The following GSG1L variants were observed in gnomAD, a reference collection of about 807,000 sequenced individuals.
GSG1L encodes the protein germ cell-specific gene 1-like protein.
In GSG1L, 24 loss-of-function variants were observed where a neutral mutation model predicts 42.1. The ratio of observed to expected loss-of-function variants is 0.57; its 90% CI spans 0.41 to 0.80. The LOEUF is 0.80. GSG1L is among the 30% of genes least tolerant of loss of function. The probability of loss-of-function intolerance (pLI) is 0.00; values close to 1 mark genes in which losing one functional copy is unlikely to be tolerated. For missense variants in GSG1L, 445 were observed against 472.2 expected, an observed-to-expected ratio of 0.94 and a Z score of 0.53; for synonymous variants, 215 against 203.5, an observed-to-expected ratio of 1.06 and a Z score of -0.48.
intron 1 of GSG1L, among the ~76,000 whole-genome samples, chr16:27,989,524 G>T (rs1316222017): frequency 6.6e-6 from 1 of 152,160 alleles, no homozygotes; most frequent in Non-Finnish European, 1.5e-5. Flanking sequence ...TGGATCACCT[G>T]AGGTCAGGAG....
chr16:27,791,193 T>C lies in GSG1L; in HGVS notation c.*177A>G, dbSNP rs563342199. ...TTCCCTTGGGCCTGCCCTGGCCCCATTTCCAAGGCCATGGGACCCAGGCAG... is the reference window on the plus strand; with the variant it reads ...TTCCCTTGGGCCTGCCCTGGCCCCACTTCCAAGGCCATGGGACCCAGGCAG... On this transcript the variant is annotated 3_prime_UTR_variant, in exon 7 of 7. Coordinates refer to ENST00000447459, the MANE Select transcript of GSG1L (RefSeq NM_001109763.2). The C allele has an allele frequency of 1.1e-4, 46 of 412,092 alleles. 1 individual carries two copies. Among genetic ancestry groups the C allele is most frequent in the Middle Eastern group, 1.2e-3 (2 of 1,624 alleles). 25.5% of individuals were successfully genotyped at this position (412,092 alleles called of 1,614,324 possible). A position where few individuals can be genotyped will look rare whatever the true frequency, so the allele number is the denominator to read the frequency against.
chr16:27,852,756 C>A (rs1362251069), intron 3 of GSG1L, among the ~76,000 whole-genome samples: 1 of 152,060 alleles, frequency 6.6e-6, no homozygotes, highest in Non-Finnish European at 1.5e-5. Flanking sequence ...ACTTTCGGAG[C>A]AAAGTGGTTG....
In GSG1L at chr16:27,818,793, CT is replaced by C. The variant is rs915497411; in HGVS notation, c.830+9995del. On this transcript the variant is annotated intron_variant, in intron 5 of 6. Transcript: ENST00000447459. ...GAAATAAATGGGTTTTTAAGAAGGACTTTTTTTTTTCTTTTCCCATTTTCTG... is the reference window on the plus strand; with the variant it reads ...GAAATAAATGGGTTTTTAAGAAGGACTTTTTTTTTCTTTTCCCATTTTCTG... 5.8e-3 allele frequency among the ~76,000 whole-genome samples: 864 copies of C among 149,680 alleles called. 5 individuals are homozygous for C. Among genetic ancestry groups the C allele is most frequent in the African/African-American group, 0.017 (712 of 40,824 alleles).
rs185320668 is a variant in GSG1L at position 27,925,991 on chromosome 16, C to T, written c.397+37165G>A. On this transcript the variant is annotated intron_variant, in intron 2 of 6. Coordinates refer to ENST00000447459, the MANE Select transcript of GSG1L (RefSeq NM_001109763.2). ...GGAAAAAATTAGCTGAATGAAATGGCGAGTACATGGTAAAATTTGGGAAGC... is the reference window on the plus strand; with the variant it reads ...GGAAAAAATTAGCTGAATGAAATGGTGAGTACATGGTAAAATTTGGGAAGC... 2.7e-3 allele frequency among the ~76,000 whole-genome samples: 409 copies of T among 152,276 alleles called. 1 individual carries two copies. Among genetic ancestry groups the T allele is most frequent in the Non-Finnish European group, 4.4e-3 (299 of 68,026 alleles).
intron 5 of GSG1L, among the ~76,000 whole-genome samples, chr16:27,821,628 C>T (rs944405163): frequency 2.0e-5 from 3 of 152,026 alleles, no homozygotes; most frequent in Non-Finnish European, 4.4e-5. Context: ...GGGCCGGGCG[C>T]GGTGGCTCAC....
chr16:28,026,869 G>A (rs1335010984), intron 1 of GSG1L, among the ~76,000 whole-genome samples: 10 of 152,142 alleles, frequency 6.6e-5, no homozygotes, highest in Admixed American at 6.5e-4. Flanking sequence ...ATCACTTGAG[G>A]CCAGGAGTTC....
At chr16:28,012,616 TG>T (rs1319344869) in intron 1 of GSG1L, among the ~76,000 whole-genome samples, 1 of 151,792 alleles carries the variant, frequency 6.6e-6, no homozygotes, top group East Asian at 1.9e-4. Flanking sequence ...CTGGGCATGG[TG>T]GCTCATGCCT....
rs1244853418 is a variant in GSG1L, at chr16:27,807,527, C to T, written c.858G>A (p.Glu286=). The T allele has an allele frequency of 2.5e-6, 4 of 1,612,754 alleles. No homozygotes were observed. Among genetic ancestry groups the T allele is most frequent in the Non-Finnish European group, 3.4e-6 (4 of 1,179,952 alleles). ...CGTGGCGGCAGTCTAAGTGAAAGTC[C>T]TCCTCGCTCCCGTCCCTCTTCTCCA... ...ERMEKRDGSE[E]DFHLDCRHER... Residue 286 remains glutamate, a synonymous_variant, in exon 6 of 7, where the codon GAG becomes GAA. Coordinates refer to ENST00000447459, the MANE Select transcript of GSG1L (RefSeq NM_001109763.2).
chr16:27,946,627 GAGAGAAAGAAAGAAAGAAAGAAAGAAAGA>G lies in GSG1L; in HGVS notation c.397+16500_397+16528del, dbSNP rs2084871089. Among the ~76,000 whole-genome samples, 2 of 21,026 alleles carry G rather than the reference GAGAGAAAGAAAGAAAGAAAGAAAGAAAGA, an allele frequency of 9.5e-5. 1 individual carries two copies. Among genetic ancestry groups the G allele is most frequent in the Admixed American group, 1.1e-3 (2 of 1,844 alleles). 13.8% of individuals were successfully genotyped at this position (21,026 alleles called of 152,430 possible). A position where few individuals can be genotyped will look rare whatever the true frequency, so the allele number is the denominator to read the frequency against. ...AGAGAGAGAGAGAGAGAGAGAGAGA[GAGAGAAAGAAAGAAAGAAAGAAAGAAAGA>G]AAAGAAAGAAAGAAAGAAAGAAAGA... On this transcript the variant is annotated intron_variant, in intron 2 of 6. Coordinates refer to ENST00000447459, the MANE Select transcript of GSG1L (RefSeq NM_001109763.2).
intron 1 of GSG1L, among the ~76,000 whole-genome samples, chr16:28,003,699 A>G (rs1031953788): frequency 2.6e-5 from 4 of 152,206 alleles, no homozygotes; most frequent in Non-Finnish European, 4.4e-5. Context: ...GTTTCCCAGA[A>G]TTCCCCCTGG....
intron 1 of GSG1L, among the ~76,000 whole-genome samples, chr16:27,971,513 T>G (rs1408224460): frequency 6.6e-6 from 1 of 152,238 alleles, no homozygotes; most frequent in Non-Finnish European, 1.5e-5. Flanking sequence ...GCAATCTTGC[T>G]GAACTCATTT....
At chr16:27,918,658 C>CA (rs1196983505) in intron 2 of GSG1L, among the ~76,000 whole-genome samples, 2 of 84,984 alleles carry the variant, frequency 2.4e-5, no homozygotes, top group South Asian at 4.0e-4. Context: ...GACTCCATCT[C>CA]AAAAAAAAGA....
In GSG1L at chr16:27,788,280, C is replaced by T. The variant is rs1336744363; in HGVS notation, c.*3090G>A. On this transcript the variant is annotated 3_prime_UTR_variant, in exon 7 of 7. Transcript: ENST00000447459. ...CCAGGGCAACTTTCCTAAGCCAGCC[C>T]ACTTTCTTCTCTTTCTTGAGTGTAA... 1 of 152,188 alleles carries T rather than the reference C, an allele frequency of 6.6e-6. No homozygotes were observed. Among genetic ancestry groups the T allele is most frequent in the Non-Finnish European group, 1.5e-5 (1 of 68,054 alleles). 9.4% of individuals were successfully genotyped at this position (152,188 alleles called of 1,614,324 possible).
intron 1 of GSG1L, among the ~76,000 whole-genome samples, chr16:28,037,561 T>C (rs1567564787): frequency 6.6e-6 from 1 of 152,186 alleles, no homozygotes; most frequent in South Asian, 2.1e-4. Flanking sequence ...CTATATATAA[T>C]ATTTCTATTG....
At chr16:27,947,776 C>T (rs2084901509) in intron 2 of GSG1L, among the ~76,000 whole-genome samples, 2 of 152,148 alleles carry the variant, frequency 1.3e-5, no homozygotes, top group African/African-American at 2.4e-5. Context: ...TTCATATGCT[C>T]AGTCCATGGC....
At chr16:27,825,085 C>T (rs902134326) in intron 5 of GSG1L, among the ~76,000 whole-genome samples, 4 of 152,194 alleles carry the variant, frequency 2.6e-5, no homozygotes, top group Non-Finnish European at 5.9e-5. Context: ...CAATCACATC[C>T]TCTCTCCTGG....
chr16:27,835,330 G>C (rs968387608), intron 4 of GSG1L, among the ~76,000 whole-genome samples: 3 of 152,054 alleles, frequency 2.0e-5, no homozygotes, highest in Middle Eastern at 3.4e-3. Context: ...GCTTTCTTTT[G>C]ATTAATGCTT....
At chr16:27,801,111 G>T (rs2082876179) in intron 6 of GSG1L, among the ~76,000 whole-genome samples, 1 of 152,154 alleles carries the variant, frequency 6.6e-6, no homozygotes, top group South Asian at 2.1e-4. Context: ...AAGTGCAAGG[G>T]TCCTACCAAG....
intron 4 of GSG1L, among the ~76,000 whole-genome samples, chr16:27,834,925 C>T (rs1414193260): frequency 6.6e-6 from 1 of 152,028 alleles, no homozygotes; most frequent in Admixed American, 6.6e-5. Context: ...GATTTTTGCT[C>T]ATCTTTCTTC....
Sources: allele counts gnomAD v4.1 joint callset (sites outside exome capture counted in the v4.1 genomes callset), GRCh38; gene constraint gnomAD v4.1.1; transcripts MANE v1.5; gene names NCBI Gene and HGNC (gene_info 2026-07-23, HGNC 2026-07-21).